Variants in PLCB4 observed in about 807,000 individuals in gnomAD.
PLCB4 encodes the protein 1-phosphatidylinositol 4,5-bisphosphate phosphodiesterase beta-4.
A neutral mutation model predicts 178.8 loss-of-function variants in PLCB4; 77 were observed. That is an observed-to-expected ratio of 0.43 (90% confidence interval 0.36 to 0.52). PLCB4 has a LOEUF of 0.52. Ranked by LOEUF, PLCB4 falls within the 20% of genes least tolerant of loss-of-function variation. PLCB4 has a pLI of 0.00. For synonymous variants in PLCB4, 496 were observed against 490.8 expected (o/e 1.01, Z -0.14); for missense variants, 1,024 against 1,453.4 (o/e 0.70, Z 4.80).
At chr20:9,138,008 A>G (rs1451598584) in intron 2 of PLCB4, among the ~76,000 whole-genome samples, 2 of 152,174 alleles carry the variant, frequency 1.3e-5, no homozygotes, top group African/African-American at 4.8e-5. Flanking sequence ...AGAGAATTTT[A>G]CGTGCATATA....
At chr20:9,395,678 A>C in intron 19 of PLCB4, 60 bp downstream of exon 19, 1 of 1,263,584 alleles carries the variant, frequency 7.9e-7, no homozygotes, top group Non-Finnish European at 1.1e-6. Context: ...AAATAAGAAA[A>C]CCAGGCTGGG....
At chr20:9,150,250 T>C (rs945753099) in intron 2 of PLCB4, among the ~76,000 whole-genome samples, 1 of 152,220 alleles carries the variant, frequency 6.6e-6, no homozygotes, top group Admixed American at 6.5e-5. Context: ...GTTAACATTA[T>C]TGATGAATTA....
chr20:9,108,304 A>G (rs1176096251), intron 2 of PLCB4, among the ~76,000 whole-genome samples: 1 of 152,142 alleles, frequency 6.6e-6, no homozygotes, highest in East Asian at 1.9e-4. Flanking sequence ...CAAGACTCAG[A>G]GGACTGAGTC....
At chr20:9,221,532 G>A (rs958500497) in intron 3 of PLCB4, among the ~76,000 whole-genome samples, 18 of 152,146 alleles carry the variant, frequency 1.2e-4, no homozygotes, top group African/African-American at 4.3e-4. Context: ...CTTCCTCCTT[G>A]CCTCACTCCT....
intron 2 of PLCB4, among the ~76,000 whole-genome samples, chr20:9,140,718 C>A (rs532541387): frequency 6.6e-6 from 1 of 152,002 alleles, no homozygotes; most frequent in East Asian, 1.9e-4. Flanking sequence ...GCCTGCTCCC[C>A]CTTCGCCTTC....
At chr20:9,339,107 T>G (rs1223340484) in intron 7 of PLCB4, 70 bp downstream of exon 7, 1 of 1,148,544 alleles carries the variant, frequency 8.7e-7, no homozygotes, top group Non-Finnish European at 1.3e-6. Context: ...ATTTTATGCG[T>G]GCTATATTTT....
At chr20:9,089,558 T>C (rs927801341) in intron 1 of PLCB4, among the ~76,000 whole-genome samples, 3 of 152,198 alleles carry the variant, frequency 2.0e-5, no homozygotes, top group African/African-American at 7.2e-5. Context: ...TCCTTTGATC[T>C]ATATTTAATC....
intron 1 of PLCB4, among the ~76,000 whole-genome samples, chr20:9,079,829 A>C (rs2090062018): frequency 1.1e-5 from 1 of 92,098 alleles, no homozygotes; most frequent in South Asian, 4.5e-4. Context: ...AACATTAAAA[A>C]AATTTTTTTT....
intron 2 of PLCB4, among the ~76,000 whole-genome samples, chr20:9,151,133 TA>T (rs915750992): frequency 2.0e-5 from 3 of 152,060 alleles, no homozygotes; most frequent in African/African-American, 7.2e-5. Context: ...AATACAACAA[TA>T]AAAATAGTAT....
intron 28 of PLCB4, among the ~76,000 whole-genome samples, chr20:9,433,267 C>T (rs928108311): frequency 6.6e-6 from 1 of 152,050 alleles, no homozygotes; most frequent in African/African-American, 2.4e-5. Context: ...ACAGCACCTC[C>T]TAGAAGTATC....
intron 30 of PLCB4, 96 bp from the exon 31 acceptor site, chr20:9,443,885 T>A: frequency 2.8e-6 from 2 of 706,510 alleles, no homozygotes; most frequent in South Asian, 3.7e-5. Context: ...TGCTTCAAAG[T>A]CTTTCGATGA....
intron 3 of PLCB4, among the ~76,000 whole-genome samples, chr20:9,230,659 T>C (rs1470337732): frequency 6.6e-6 from 1 of 152,106 alleles, no homozygotes; most frequent in African/African-American, 2.4e-5. Context: ...TCCATTGGGC[T>C]CTCTTATGGG....
chr20:9,195,230 A>T (rs112046188), intron 2 of PLCB4, among the ~76,000 whole-genome samples: 8 of 152,236 alleles, frequency 5.3e-5, no homozygotes, highest in African/African-American at 1.9e-4. Context: ...TAATGTGGAT[A>T]TGAGTCACCT....
At chr20:9,095,154 C>T (rs1379157634) in intron 1 of PLCB4, among the ~76,000 whole-genome samples, 1 of 152,166 alleles carries the variant, frequency 6.6e-6, no homozygotes, top group East Asian at 1.9e-4. Context: ...GACATGGTTG[C>T]AGGGTTCACG....
At chr20:9,089,658 CATCAGAAATCTGCTTA>C (rs2146561633) in intron 1 of PLCB4, among the ~76,000 whole-genome samples, 2 of 152,262 alleles carry the variant, frequency 1.3e-5, no homozygotes, top group Admixed American at 1.3e-4. Context: ...TGTCCAATAT[CATCAGAAATCTGCTTA>C]ATATAACTCC....
intron 2 of PLCB4, among the ~76,000 whole-genome samples, chr20:9,153,231 A>G (rs2092721308): frequency 6.6e-6 from 1 of 152,154 alleles, no homozygotes; most frequent in African/African-American, 2.4e-5. Context: ...TTGGGAAGGC[A>G]TGATTGGGTT....
At chr20:9,165,169 C>T (rs1277624771) in intron 2 of PLCB4, among the ~76,000 whole-genome samples, 1 of 152,058 alleles carries the variant, frequency 6.6e-6, no homozygotes, top group East Asian at 1.9e-4. Context: ...TGCCAAGGTT[C>T]AAAACAAAAA....
intron 9 of PLCB4, among the ~76,000 whole-genome samples, chr20:9,368,088 G>C (rs1419328870): frequency 6.6e-6 from 1 of 152,182 alleles, no homozygotes; most frequent in East Asian, 1.9e-4. Context: ...CTTTTAAAAT[G>C]TTATTCACTA....
At chr20:9,344,528 T>G (rs909204248) in intron 7 of PLCB4, among the ~76,000 whole-genome samples, 9 of 152,216 alleles carry the variant, frequency 5.9e-5, no homozygotes, top group African/African-American at 2.2e-4. Flanking sequence ...TTGAGGTATT[T>G]ATGTTGACTA....
Sources: allele counts gnomAD v4.1 joint callset (sites outside exome capture counted in the v4.1 genomes callset), GRCh38; gene constraint gnomAD v4.1.1; transcripts MANE v1.5; gene names NCBI Gene and HGNC (gene_info 2026-07-23, HGNC 2026-07-21).